Variants in DNAH14 observed in about 807,000 individuals in gnomAD.
The protein encoded by DNAH14 is axonemal beta dynein heavy chain 14.
DNAH14 carries 478 observed loss-of-function variants against 520.9 expected under a neutral mutation model. That is an observed-to-expected ratio of 0.92 (90% confidence interval 0.85 to 0.99). DNAH14 has a LOEUF of 0.99. DNAH14 is among the 50% of genes least tolerant of loss of function. DNAH14 has a pLI of 0.00. For missense variants in DNAH14, 4,831 were observed against 5,234.5 expected (o/e 0.92, Z 2.38); for synonymous variants, 1,581 against 1,757.2 (o/e 0.90, Z 2.51).
At chr1:225,277,190 C>G (rs1345502581) in intron 53 of DNAH14, among the ~76,000 whole-genome samples, 1 of 151,524 alleles carries the variant, frequency 6.6e-6, no homozygotes, top group African/African-American at 2.4e-5. Context: ...TCAATTCTAC[C>G]ACCACCCTTC....
chr1:224,930,195 T>G (rs1214367513), intron 1 of DNAH14, among the ~76,000 whole-genome samples: 3 of 152,232 alleles, frequency 2.0e-5, no homozygotes, highest in Non-Finnish European at 1.5e-5. Context: ...TGAAAAACCT[T>G]GCCATCACTT....
At chr1:225,016,751 T>C (rs1328510622) in intron 10 of DNAH14, among the ~76,000 whole-genome samples, 1 of 151,936 alleles carries the variant, frequency 6.6e-6, no homozygotes, top group Non-Finnish European at 1.5e-5. Context: ...CTTTTCTTTT[T>C]TTTTGTCTGC....
chr1:225,303,394 G>T, intron 57 of DNAH14, 47 bp downstream of exon 57: 1 of 1,501,694 alleles, frequency 6.7e-7, no homozygotes, highest in South Asian at 1.3e-5. Flanking sequence ...GACAGCATCT[G>T]ATGGTATTAT....
In DNAH14 at chr1:225,394,960, T is replaced by G. The variant is rs191290474; in HGVS notation, c.13491+2509T>G. 1.3e-3 allele frequency among the ~76,000 whole-genome samples: 204 copies of G among 152,304 alleles called. 1 individual carries two copies. Among genetic ancestry groups the G allele is most frequent in the African/African-American group, 4.8e-3 (201 of 41,578 alleles). On this transcript the variant is annotated intron_variant, in intron 84 of 85. Transcript: ENST00000682510. Reference sequence around the variant, plus strand: ...CACCATTTTTTCATTGAAATGGCCCTTTCCCTACTTCAACTTTGTCATAGA... The same window carrying G: ...CACCATTTTTTCATTGAAATGGCCCGTTCCCTACTTCAACTTTGTCATAGA...
chr1:225,159,228 C>G lies in DNAH14; in HGVS notation c.5274-86C>G, dbSNP rs1201466187. On this transcript the variant is annotated intron_variant, in intron 34 of 85. Coordinates refer to ENST00000682510, the MANE Select transcript of DNAH14 (RefSeq NM_001367479.1). ...GGGAAGGACATTGGGATAGCCACCCCTAAAACAGAATGTTAATGGTCTTCA... is the reference window on the plus strand; with the variant it reads ...GGGAAGGACATTGGGATAGCCACCCGTAAAACAGAATGTTAATGGTCTTCA... The G allele has an allele frequency of 2.6e-6, 3 of 1,163,904 alleles. No individual in the cohort carries two copies. In the East Asian group the frequency reaches 7.9e-5, roughly 31 times the overall value. 72.1% of individuals were successfully genotyped at this position (1,163,904 alleles called of 1,614,324 possible).
chr1:225,264,806 G>T (rs1298846309), intron 47 of DNAH14, among the ~76,000 whole-genome samples: 1 of 152,130 alleles, frequency 6.6e-6, no homozygotes, highest in African/African-American at 2.4e-5. Flanking sequence ...AGAGGTTTTG[G>T]TTTTGTTTTC....
intron 10 of DNAH14, among the ~76,000 whole-genome samples, chr1:225,017,821 T>C (rs1055299158): frequency 1.3e-5 from 2 of 152,170 alleles, no homozygotes; most frequent in African/African-American, 4.8e-5. Context: ...GTTGGCCCAC[T>C]GAAAGCATTC....
chr1:225,384,004 T>A (rs1340097848), intron 81 of DNAH14, among the ~76,000 whole-genome samples: 1 of 152,216 alleles, frequency 6.6e-6, no homozygotes, highest in Non-Finnish European at 1.5e-5. Flanking sequence ...TACCCAGTAG[T>A]CATTCAGGAG....
At chr1:225,036,445 G>A (rs1291786308) in intron 11 of DNAH14, among the ~76,000 whole-genome samples, 1 of 152,102 alleles carries the variant, frequency 6.6e-6, no homozygotes. Context: ...CAGACTAAGA[G>A]TTTTTAAGGA....
chr1:225,176,124 C>T (rs2083307471), intron 36 of DNAH14, among the ~76,000 whole-genome samples: 1 of 152,114 alleles, frequency 6.6e-6, no homozygotes. Flanking sequence ...TTTGCTATAT[C>T]CTATTGGTTT....
chr1:225,368,654 A>G (rs533299960), intron 77 of DNAH14, among the ~76,000 whole-genome samples: 1 of 152,290 alleles, frequency 6.6e-6, no homozygotes, highest in Non-Finnish European at 1.5e-5. Context: ...TCCAGCGTAC[A>G]ACATTACACC....
intron 42 of DNAH14, among the ~76,000 whole-genome samples, chr1:225,238,348 T>C (rs1406038674): frequency 1.3e-5 from 2 of 152,192 alleles, no homozygotes; most frequent in Non-Finnish European, 2.9e-5. Flanking sequence ...CTTTTTCTTT[T>C]AGAGTCAGAC....
At chr1:225,190,565 C>T (rs2085296284) in intron 37 of DNAH14, among the ~76,000 whole-genome samples, 1 of 151,972 alleles carries the variant, frequency 6.6e-6, no homozygotes, top group South Asian at 2.1e-4. Flanking sequence ...GGGAGGATTA[C>T]AGTATATTTG....
At chr1:225,290,105 A>C (rs2036497) in intron 55 of DNAH14, 23 bp downstream of exon 55, 1 of 1,350,736 alleles carries the variant, frequency 7.4e-7, no homozygotes, top group South Asian at 2.1e-5. Flanking sequence ...TGTCTTTGCT[A>C]TTTGCTGAAG....
Position 225,036,568 on chromosome 1 carries a change from G to A in DNAH14, c.1359-2126G>A, listed in dbSNP as rs536645130. Among the ~76,000 whole-genome samples, 3 of 152,242 alleles carry A rather than the reference G, an allele frequency of 2.0e-5. No individual in the cohort carries two copies. The East Asian group carries it at 5.8e-4, about 29-fold the overall frequency. On this transcript the variant is annotated intron_variant, in intron 11 of 85. Coordinates refer to ENST00000682510, the MANE Select transcript of DNAH14 (RefSeq NM_001367479.1). The stretch of plus-strand genomic sequence containing the variant: ...CCCATACATCTTTCTGCAGCTGCAG[G>A]CATACCCTCCAAGTCTGCTTTTAGG...
At chr1:225,110,726 C>T (rs999665074) in intron 23 of DNAH14, among the ~76,000 whole-genome samples, 3 of 151,680 alleles carry the variant, frequency 2.0e-5, no homozygotes, top group Admixed American at 6.6e-5. Flanking sequence ...TTTTCTAATT[C>T]TTTAAGATGC....
chr1:224,960,377 T>C (rs531299150), intron 4 of DNAH14, 75 bp downstream of exon 4: 195 of 1,370,418 alleles, frequency 1.4e-4, no homozygotes, highest in Middle Eastern at 1.9e-4. Context: ...TGTGTGCTTA[T>C]ATTGGACACT....
At chr1:225,181,116 A>G (rs1294214160) in intron 36 of DNAH14, among the ~76,000 whole-genome samples, 1 of 152,148 alleles carries the variant, frequency 6.6e-6, no homozygotes, top group African/African-American at 2.4e-5. Context: ...GTATAGGATA[A>G]TAGCCTCCAT....
chr1:225,039,124 G>T (rs2067222318), intron 12 of DNAH14, among the ~76,000 whole-genome samples: 1 of 152,112 alleles, frequency 6.6e-6, no homozygotes, highest in Admixed American at 6.5e-5. Flanking sequence ...ACCTCTTGGA[G>T]CTTATATTTT....
Sources: gnomAD v4.1 joint callset for allele counts (sites outside exome capture counted in the v4.1 genomes callset) on GRCh38, gnomAD v4.1.1 for gene constraint, MANE v1.5 for transcripts, NCBI Gene and HGNC (gene_info 2026-07-23, HGNC 2026-07-21) for gene names.